The following ZNF280B variants were observed in gnomAD, a reference collection of about 807,000 sequenced individuals.
ZNF280B encodes the protein zinc finger protein 280B.
A neutral mutation model predicts 38.0 loss-of-function variants in ZNF280B; 16 were observed. That is an observed-to-expected ratio of 0.42 (90% CI 0.28 to 0.64). ZNF280B has a LOEUF of 0.64. ZNF280B is among the 30% of genes least tolerant of loss of function. The pLI, the probability that ZNF280B is intolerant of heterozygous loss-of-function variation, is 0.21. For synonymous variants in ZNF280B, 253 were observed against 230.6 expected (o/e 1.10, Z -0.88); for missense variants, 581 against 639.6 (o/e 0.91, Z 0.99).
chr22:22,503,871 T>C (rs1048393151), intron 2 of ZNF280B, among the ~76,000 whole-genome samples: 2 of 151,966 alleles, frequency 1.3e-5, no homozygotes, highest in South Asian at 2.1e-4. Flanking sequence ...GCAGACCACA[T>C]AGGTCCTATC....
At chr22:22,496,482 GA>G (rs1162528255) in intron 2 of ZNF280B, among the ~76,000 whole-genome samples, 2 of 151,912 alleles carry the variant, frequency 1.3e-5, no homozygotes, top group Non-Finnish European at 2.9e-5. Context: ...AAATATTTAT[GA>G]AAAAGTTATT....
chr22:22,500,923 G>A (rs959831851), intron 2 of ZNF280B, among the ~76,000 whole-genome samples: 5 of 149,792 alleles, frequency 3.3e-5, no homozygotes, highest in Admixed American at 2.7e-4. Context: ...GGGAAGCTGA[G>A]GCAGAAGAAT....
intron 1 of ZNF280B, among the ~76,000 whole-genome samples, chr22:22,508,449 G>C (rs1276262017): frequency 2.6e-5 from 4 of 151,766 alleles, no homozygotes; most frequent in Admixed American, 2.6e-4. Flanking sequence ...AGTGGCGCCC[G>C]CTGAGATTAG....
At chr22:22,497,665 G>A (rs1240786543) in intron 2 of ZNF280B, among the ~76,000 whole-genome samples, 2 of 151,972 alleles carry the variant, frequency 1.3e-5, no homozygotes, top group Non-Finnish European at 1.5e-5. Context: ...ACAGGGTGAA[G>A]TTAAGGGGAA....
intron 2 of ZNF280B, among the ~76,000 whole-genome samples, chr22:22,502,564 T>C (rs1188535547): frequency 6.6e-6 from 1 of 151,934 alleles, no homozygotes; most frequent in Non-Finnish European, 1.5e-5. Flanking sequence ...CGAACTGTGG[T>C]ATATCCGTAC....
chr22:22,496,550 A>G (rs1282783415), intron 2 of ZNF280B, among the ~76,000 whole-genome samples: 1 of 151,820 alleles, frequency 6.6e-6, no homozygotes, highest in Non-Finnish European at 1.5e-5. Context: ...AGTTTTAAGG[A>G]TCCTATAAAA....
intron 2 of ZNF280B, among the ~76,000 whole-genome samples, chr22:22,495,951 G>A (rs906713292): frequency 1.2e-4 from 18 of 151,276 alleles, no homozygotes; most frequent in African/African-American, 3.2e-4. Context: ...GATTACAGGC[G>A]CCCACCACCA....
In ZNF280B at chr22:22,487,693, G is replaced by T; in HGVS notation, c.*74C>A. 7.7e-7 allele frequency: 1 copy of T among 1,306,060 alleles called. No homozygotes were observed. Among genetic ancestry groups the T allele is most frequent in the Non-Finnish European group, 1.1e-6 (1 of 952,162 alleles). The allele number at this position is 1,306,060 out of a possible 1,614,324, so 80.9% of individuals were successfully genotyped here. A position where few individuals can be genotyped will look rare whatever the true frequency, so the allele number is the denominator to read the frequency against. ...TTTTTGGTGCTACTGAATAATGTAT[G>T]GTTTGTATTTTTTGTTTTATGAGGT... On this transcript the variant is annotated 3_prime_UTR_variant, in exon 4 of 4. Transcript: ENST00000626650.
intron 2 of ZNF280B, among the ~76,000 whole-genome samples, chr22:22,499,777 G>C (rs1460593894): frequency 6.6e-6 from 1 of 151,916 alleles, no homozygotes; most frequent in African/African-American, 2.4e-5. Flanking sequence ...CTAAGATCAG[G>C]AACAAGACAG....
chr22:22,485,616 C>T lies in ZNF280B; in HGVS notation c.*2151G>A, dbSNP rs2061492573. On this transcript the variant is annotated 3_prime_UTR_variant, in exon 4 of 4. Coordinates refer to ENST00000626650, the MANE Select transcript of ZNF280B (RefSeq NM_080764.4). Reference sequence around the variant, plus strand: ...CACAACTTCTTTGTTATCTGTACTGCCTTCTACTCTAAGAGGGATGCTAAG... The same window carrying T: ...CACAACTTCTTTGTTATCTGTACTGTCTTCTACTCTAAGAGGGATGCTAAG... 6.6e-6 allele frequency: 1 copy of T among 151,784 alleles called. No individual in the cohort carries two copies. The highest frequency in any genetic ancestry group is 2.0e-4 in the East Asian group (1 of 5,112). The allele number at this position is 151,784 out of a possible 1,614,324, so 9.4% of individuals were successfully genotyped here.
At chr22:22,497,910 T>C (rs2061733726) in intron 2 of ZNF280B, among the ~76,000 whole-genome samples, 1 of 151,958 alleles carries the variant, frequency 6.6e-6, no homozygotes, top group Admixed American at 6.6e-5. Context: ...CATGTATACT[T>C]GTTTATAGCA....
At position 22,488,224 on chromosome 22, in the gene ZNF280B, A is replaced by G; in HGVS notation, c.1175T>C (p.Met392Thr). The G allele has an allele frequency of 6.2e-7, 1 of 1,613,886 alleles. No homozygotes were observed. The highest frequency in any genetic ancestry group is 1.3e-5 in the African/African-American group (1 of 74,984). ...TTCGCCAGGCTTATGATGGTCCTTCATGTGTTGTAAGAGGACCTGATCTGT... is the reference window on the plus strand; with the variant it reads ...TTCGCCAGGCTTATGATGGTCCTTCGTGTGTTGTAAGAGGACCTGATCTGT... ...FETDQVLLQH[M>T]KDHHKPGEMP... Residue 392 changes from methionine to threonine, a missense_variant, in exon 4 of 4, where the codon ATG becomes ACG. Coordinates refer to ENST00000626650, the MANE Select transcript of ZNF280B (RefSeq NM_080764.4).
chr22:22,492,167 T>C (rs563254845), intron 3 of ZNF280B, among the ~76,000 whole-genome samples: 19 of 151,936 alleles, frequency 1.3e-4, no homozygotes, highest in Non-Finnish European at 2.2e-4. Context: ...TGGTGTATCA[T>C]GAATAGTGAT....
At chr22:22,490,437 C>A (rs1271251125) in intron 3 of ZNF280B, among the ~76,000 whole-genome samples, 1 of 152,014 alleles carries the variant, frequency 6.6e-6, no homozygotes, top group Non-Finnish European at 1.5e-5. Flanking sequence ...ATCCACTTCA[C>A]TGTAGTCACA....
In ZNF280B at chr22:22,507,847, C is replaced by T. The variant is rs2061970771; in HGVS notation, c.-224G>A. On this transcript the variant is annotated 5_prime_UTR_variant, in exon 2 of 4. Transcript: ENST00000626650. ...ACAACGCAACTTTTAAGAACTTGAG[C>T]TATTCCAGGCAGAAGGTCACATCCT... 1 of 151,958 alleles carries T rather than the reference C, an allele frequency of 6.6e-6. No homozygotes were observed. Among genetic ancestry groups the T allele is most frequent in the Admixed American group, 6.6e-5 (1 of 15,254 alleles). 9.4% of individuals were successfully genotyped at this position (151,958 alleles called of 1,614,324 possible). A position where few individuals can be genotyped will look rare whatever the true frequency, so the allele number is the denominator to read the frequency against.
intron 3 of ZNF280B, among the ~76,000 whole-genome samples, chr22:22,492,910 A>T (rs1307974935): frequency 6.6e-6 from 1 of 151,832 alleles, no homozygotes; most frequent in Non-Finnish European, 1.5e-5. Context: ...AAAATATTCT[A>T]ATTCACAATC....
In ZNF280B at chr22:22,488,601, A is replaced by T; in HGVS notation, c.798T>A (p.Ser266Arg). The T allele has an allele frequency of 6.2e-7, 1 of 1,613,800 alleles. No individual in the cohort carries two copies. The highest frequency in any genetic ancestry group is 8.5e-7 in the Non-Finnish European group (1 of 1,179,962). The part of the protein sequence containing the change: ...ANELAKTDIL[S>R]LTSQNKTFDP... ...CAAAGGTCTTGTTTTGACTTGTTAGACTCAAAATGTCTGTTTTTGCCAATT... is the reference window on the plus strand; with the variant it reads ...CAAAGGTCTTGTTTTGACTTGTTAGTCTCAAAATGTCTGTTTTTGCCAATT... The change falls in exon 4 of 4, where the codon AGT (serine) becomes AGA (arginine). Residue 266 changes from serine (S) to arginine (R), a missense_variant. By Grantham distance (110) the Ser-to-Arg change is moderately radical (BLOSUM62 -1). Transcript: ENST00000626650.
At chr22:22,508,902 G>C (rs747778051), upstream of ZNF280B, 1 of 152,180 alleles carries the variant, frequency 6.6e-6, no homozygotes, top group African/African-American at 2.4e-5. Flanking sequence ...GGCTGGACGC[G>C]GGGTTAAATT....
At position 22,487,925 on chromosome 22, in the gene ZNF280B, G is replaced by T; in HGVS notation, c.1474C>A (p.Leu492Ile). The change falls in exon 4 of 4, where the codon CTA becomes ATA. Residue 492 changes from leucine to isoleucine, a missense_variant. By Grantham distance (5) the Leu-to-Ile change is conservative. Transcript: ENST00000626650. ...CHQMFKKPKQ[L>I]EGLPPETKVT... ...TTTGTTTCAGGAGGTAATCCTTCTA[G>T]TTGCTTAGGCTTCTTAAACATTTGA... is the stretch of plus-strand genomic sequence containing the variant. 1 of 1,613,772 alleles carries T rather than the reference G, an allele frequency of 6.2e-7. No individual in the cohort carries two copies. The highest frequency in any genetic ancestry group is 8.5e-7 in the Non-Finnish European group (1 of 1,179,918).
Sources: allele counts gnomAD v4.1 joint callset (sites outside exome capture counted in the v4.1 genomes callset), GRCh38; gene constraint gnomAD v4.1.1; transcripts MANE v1.5; gene names NCBI Gene and HGNC (gene_info 2026-07-23, HGNC 2026-07-21).